Variants in GGA2 observed in about 807,000 individuals in gnomAD.
GGA2 encodes the protein ADP-ribosylation factor-binding protein GGA2.
Under a neutral mutation model 79.5 loss-of-function variants are expected in GGA2, and 48 were observed. That is an observed-to-expected ratio of 0.60 (90% CI 0.48 to 0.77). The LOEUF is 0.77. Ranked by LOEUF, GGA2 falls within the 30% of genes least tolerant of loss-of-function variation. The probability of loss-of-function intolerance (pLI) is 0.00; values close to 1 mark genes in which losing one functional copy is unlikely to be tolerated. For synonymous variants in GGA2, 317 were observed against 302.0 expected, an observed-to-expected ratio of 1.05 and a Z score of -0.51; for missense variants, 770 against 774.0, an observed-to-expected ratio of 0.99 and a Z score of 0.06.
intron 9 of GGA2, among the ~76,000 whole-genome samples, chr16:23,481,564 G>GTGATTT (rs1171591431): frequency 6.6e-6 from 1 of 152,166 alleles, no homozygotes; most frequent in Non-Finnish European, 1.5e-5. Flanking sequence ...CTTGAGCCCA[G>GTGATTT]GAGTTTGAGA....
At chr16:23,471,918 T>A (rs1458870416) in intron 14 of GGA2, among the ~76,000 whole-genome samples, 4 of 151,638 alleles carry the variant, frequency 2.6e-5, no homozygotes, top group African/African-American at 9.7e-5. Context: ...CTAAAAAAAT[T>A]TAAAAAAAAA....
chr16:23,481,144 C>T lies in GGA2; in HGVS notation c.881-374G>A, dbSNP rs4968010. ...CTATAATCCCAGCATTTTGGGAGGC[C>T]GAGGCGGGTGGATCACCTGAGGTCA... On this transcript the variant is annotated intron_variant, in intron 9 of 16. Transcript: ENST00000309859. Among the ~76,000 whole-genome samples, 860 of 152,232 alleles carry T rather than the reference C, an allele frequency of 5.6e-3. 35 individuals carry two copies. Among genetic ancestry groups the T allele is most frequent in the Admixed American group, 0.05 (768 of 15,276 alleles).
intron 7 of GGA2, 70 bp downstream of exon 7, chr16:23,486,640 G>C (rs1964716649): frequency 1.1e-6 from 1 of 895,208 alleles, no homozygotes; most frequent in African/African-American, 1.6e-5. Context: ...CTCAAGCATA[G>C]GCTCATATGC....
intron 7 of GGA2, 126 bp downstream of exon 7, chr16:23,486,584 C>G: frequency 4.1e-6 from 3 of 740,330 alleles, no homozygotes; most frequent in Non-Finnish European, 5.0e-6. Context: ...CCCCAGAGTT[C>G]AGGGCTAGGA....
At chr16:23,482,456 A>G (rs748279924) in intron 9 of GGA2, among the ~76,000 whole-genome samples, 9 of 152,130 alleles carry the variant, frequency 5.9e-5, no homozygotes, top group Non-Finnish European at 1.2e-4. Flanking sequence ...TTCCACAATA[A>G]AGAGTTAAAA....
At chr16:23,501,977 A>G (rs1964926597) in intron 1 of GGA2, among the ~76,000 whole-genome samples, 1 of 152,144 alleles carries the variant, frequency 6.6e-6, no homozygotes, top group Non-Finnish European at 1.5e-5. Context: ...CTCAGAGTCC[A>G]CAATCACCCA....
At chr16:23,502,272 A>G (rs1964929139) in intron 1 of GGA2, among the ~76,000 whole-genome samples, 1 of 152,152 alleles carries the variant, frequency 6.6e-6, no homozygotes, top group East Asian at 1.9e-4. Context: ...TGCATGTGAA[A>G]TGAGGCCCCT....
intron 8 of GGA2, among the ~76,000 whole-genome samples, chr16:23,484,691 A>T (rs1345129630): frequency 6.6e-6 from 1 of 152,248 alleles, no homozygotes; most frequent in East Asian, 1.9e-4. Flanking sequence ...ACCCTCCAGG[A>T]GGACTCCAAT....
Position 23,479,771 on chromosome 16 carries a change from C to G in GGA2, c.1123G>C (p.Ala375Pro), listed in dbSNP as rs1964623992. The G allele has an allele frequency of 6.2e-7, 1 of 1,613,912 alleles. No homozygotes were observed. The highest frequency in any genetic ancestry group is 1.7e-5 in the Admixed American group (1 of 59,998). ...VPSLLHQDLA[A>P]LGISDAPVTG... ...CACAAGCACCTGCCCTCACCCAAGG[C>G]TGCCAGGTCCTGATGAAGCAAAGAT... The change falls in exon 11 of 17, where the codon GCC becomes CCC. Residue 375 changes from alanine (A) to proline (P), a missense_variant. Coordinates refer to ENST00000309859, the MANE Select transcript of GGA2 (RefSeq NM_015044.4).
intron 14 of GGA2, among the ~76,000 whole-genome samples, chr16:23,470,821 A>C (rs1363324044): frequency 1.4e-5 from 2 of 145,508 alleles, no homozygotes; most frequent in Non-Finnish European, 3.0e-5. Flanking sequence ...AAATGAAATA[A>C]ATGCTTTTTT....
upstream of GGA2, chr16:23,523,630 GA>G (rs1965176173): frequency 3.3e-5 from 5 of 152,258 alleles, no homozygotes; most frequent in Non-Finnish European, 7.3e-5. Flanking sequence ...TGAGAACTGG[GA>G]CCCATGAGTC....
intron 6 of GGA2, 131 bp from the exon 7 acceptor site, chr16:23,486,921 C>A: frequency 1.4e-6 from 1 of 715,308 alleles, no homozygotes; most frequent in Non-Finnish European, 2.6e-6. Flanking sequence ...ACCAAATGGT[C>A]CAAGGACACT....
At chr16:23,511,016 CGTGTGTGT>C (rs145140640), upstream of GGA2, among the ~76,000 whole-genome samples, 729 of 28,854 alleles carry the variant, frequency 0.025, 95 homozygotes, top group African/African-American at 0.083. Flanking sequence ...TGGGTTTCAC[CGTGTGTGT>C]GTGTGTGTGT....
At chr16:23,481,482 A>AG (rs1481095390) in intron 9 of GGA2, among the ~76,000 whole-genome samples, 1 of 152,162 alleles carries the variant, frequency 6.6e-6, no homozygotes, top group Non-Finnish European at 1.5e-5. Flanking sequence ...TTTTCATGCA[A>AG]GGAAAAAAGG....
chr16:23,478,757 T>C, intron 12 of GGA2, 126 bp downstream of exon 12: 3 of 795,826 alleles, frequency 3.8e-6, no homozygotes, highest in Non-Finnish European at 6.6e-6. Context: ...GCTTTGGACC[T>C]CCAAGGCCAT....
chr16:23,495,740 A>T lies in GGA2; in HGVS notation c.130T>A (p.Ser44Thr). ...TDPSMSEQDW[S>T]AIQNFCEQVN... ...TGCTCACAGAAATTCTGGATAGCTG[A>T]CCAATCCTGTTCCGACATGCTTGGG... Residue 44 changes from serine (S) to threonine (T), a missense_variant, in exon 2 of 17, where the codon TCA becomes ACA. Physicochemically the swap from Ser to Thr is moderately conservative, Grantham distance 58 (BLOSUM62 1). Transcript: ENST00000309859. 6.2e-7 allele frequency: 1 copy of T among 1,612,898 alleles called. No individual in the cohort carries two copies. Among genetic ancestry groups the T allele is most frequent in the Non-Finnish European group, 8.5e-7 (1 of 1,178,902 alleles).
chr16:23,480,223 G>C, intron 10 of GGA2: 1 of 338,396 alleles, frequency 3.0e-6, no homozygotes, highest in South Asian at 3.4e-5. Context: ...GTGCTTGAAA[G>C]ACGCACACCT....
At chr16:23,516,684 GC>G (rs1411373595) in intron 2 of GGA2, among the ~76,000 whole-genome samples, 4 of 152,114 alleles carry the variant, frequency 2.6e-5, no homozygotes, top group Non-Finnish European at 4.4e-5. Flanking sequence ...TTGCTGAGGT[GC>G]CTGCCACTCC....
At position 23,465,496 on chromosome 16, in the gene GGA2, ATG is replaced by A. The variant is rs771054993; in HGVS notation, c.*2092_*2093del. 1 of 693,102 alleles carries A rather than the reference ATG, an allele frequency of 1.4e-6. No individual in the cohort carries two copies. The highest frequency in any genetic ancestry group is 2.1e-5 in the Admixed American group (1 of 48,776). The allele number at this position is 693,102 out of a possible 1,614,324, so 42.9% of individuals were successfully genotyped here. ...CAAAAGCAAGAATGTTCAGGTACAC[ATG>A]TGTGAGTTCACCTCCTAACTATAGG... On this transcript the variant is annotated 3_prime_UTR_variant, in exon 17 of 17. Transcript: ENST00000309859.
Sources: gnomAD v4.1 joint callset for allele counts (sites outside exome capture counted in the v4.1 genomes callset) on GRCh38, gnomAD v4.1.1 for gene constraint, MANE v1.5 for transcripts, NCBI Gene and HGNC (gene_info 2026-07-23, HGNC 2026-07-21) for gene names.